The following ATP8A1 variants were observed in gnomAD, a reference collection of about 807,000 sequenced individuals.
ATP8A1 encodes ATPase phospholipid transporting 8A1.
Under a neutral mutation model 177.7 loss-of-function variants are expected in ATP8A1, and 90 were observed. The ratio of observed to expected loss-of-function variants is 0.51; its 90% CI spans 0.43 to 0.60. The LOEUF (loss-of-function observed/expected upper bound fraction) is 0.60. ATP8A1 is among the 20% of genes least tolerant of loss of function. ATP8A1 has a pLI of 0.00. For synonymous variants in ATP8A1, 493 were observed against 485.9 expected, an observed-to-expected ratio of 1.01 and a Z score of -0.19; for missense variants, 1,072 against 1,392.8, an observed-to-expected ratio of 0.77 and a Z score of 3.67.
At chr4:42,473,777 C>G (rs940434495) in intron 25 of ATP8A1, among the ~76,000 whole-genome samples, 11 of 151,620 alleles carry the variant, frequency 7.3e-5, no homozygotes, top group African/African-American at 2.7e-4. Flanking sequence ...TCCCGAGTAG[C>G]TGGGACTAAA....
chr4:42,583,407 G>T (rs983277975), intron 9 of ATP8A1, among the ~76,000 whole-genome samples: 1 of 152,174 alleles, frequency 6.6e-6, no homozygotes, highest in Non-Finnish European at 1.5e-5. Flanking sequence ...GCCTAAAGTG[G>T]GTTTCCAATA....
At chr4:42,486,419 T>A (rs1278963621) in intron 24 of ATP8A1, among the ~76,000 whole-genome samples, 1 of 152,210 alleles carries the variant, frequency 6.6e-6, no homozygotes, top group Non-Finnish European at 1.5e-5. Context: ...AGTACATTGA[T>A]TTCTTTATTA....
intron 16 of ATP8A1, among the ~76,000 whole-genome samples, chr4:42,555,308 T>C (rs895436094): frequency 4.0e-5 from 6 of 150,422 alleles, no homozygotes; most frequent in Non-Finnish European, 1.5e-5. Flanking sequence ...ATTTAGCCTA[T>C]GGTACTGAGC....
chr4:42,521,736 ATATT>A (rs1438787500), intron 22 of ATP8A1, among the ~76,000 whole-genome samples: 1 of 152,246 alleles, frequency 6.6e-6, no homozygotes, highest in Non-Finnish European at 1.5e-5. Flanking sequence ...ACTCTCATAT[ATATT>A]ATCAGCTATG....
intron 5 of ATP8A1, among the ~76,000 whole-genome samples, chr4:42,608,767 C>T (rs1736081581): frequency 6.6e-6 from 1 of 152,186 alleles, no homozygotes; most frequent in Non-Finnish European, 1.5e-5. Flanking sequence ...GCTCCAATTC[C>T]TCTGAGTCAG....
At chr4:42,528,824 A>T (rs1342986134) in intron 20 of ATP8A1, among the ~76,000 whole-genome samples, 1 of 152,204 alleles carries the variant, frequency 6.6e-6, no homozygotes, top group Non-Finnish European at 1.5e-5. Context: ...TAGCAAACAC[A>T]CTGGACTTAT....
intron 20 of ATP8A1, among the ~76,000 whole-genome samples, chr4:42,525,637 G>A (rs59343081): frequency 0.14 from 21,872 of 152,130 alleles, 1,803 homozygotes; most frequent in East Asian, 0.26. Flanking sequence ...TTTATAAACT[G>A]CCTACTATTC....
At chr4:42,482,733 A>G (rs1474610474) in intron 25 of ATP8A1, among the ~76,000 whole-genome samples, 1 of 152,210 alleles carries the variant, frequency 6.6e-6, no homozygotes, top group Non-Finnish European at 1.5e-5. Context: ...TGATGATGGA[A>G]CTAACATGGA....
At chr4:42,549,213 C>T (rs1203058558) in intron 18 of ATP8A1, 151 bp from the exon 19 acceptor site, 21 of 620,470 alleles carry the variant, frequency 3.4e-5, no homozygotes, top group Middle Eastern at 7.5e-4. Context: ...CTAACTTTTA[C>T]GTAAATTGAG....
chr4:42,469,810 CTTGA>C (rs774480135), intron 25 of ATP8A1, among the ~76,000 whole-genome samples: 4 of 151,846 alleles, frequency 2.6e-5, no homozygotes, highest in Non-Finnish European at 5.9e-5. Context: ...TATTTACTTT[CTTGA>C]TTGTCAGTAC....
intron 15 of ATP8A1, among the ~76,000 whole-genome samples, chr4:42,567,220 A>T (rs1055538746): frequency 6.6e-6 from 1 of 152,286 alleles, no homozygotes; most frequent in South Asian, 2.1e-4. Context: ...TATTTTATAG[A>T]TGGAGAATCC....
chr4:42,615,806 C>A (rs1255460224), intron 5 of ATP8A1, among the ~76,000 whole-genome samples: 2 of 152,174 alleles, frequency 1.3e-5, no homozygotes, highest in Non-Finnish European at 2.9e-5. Context: ...CTATGAAGCA[C>A]TTAAATATAT....
chr4:42,420,010 A>AC (rs1479707348), intron 35 of ATP8A1, among the ~76,000 whole-genome samples: 1 of 127,660 alleles, frequency 7.8e-6, no homozygotes, highest in African/African-American at 3.1e-5. Context: ...CTCAAAAAAA[A>AC]ACAAACAAAC....
chr4:42,602,713 G>A (rs574143931), intron 5 of ATP8A1, among the ~76,000 whole-genome samples: 162 of 152,218 alleles, frequency 1.1e-3, no homozygotes, highest in African/African-American at 3.7e-3. Flanking sequence ...AGGTTGCAGT[G>A]AGCCAAGATG....
intron 30 of ATP8A1, 139 bp downstream of exon 30, chr4:42,451,842 A>G (rs1415558506): frequency 1.9e-5 from 10 of 530,440 alleles, no homozygotes; most frequent in Non-Finnish European, 2.9e-5. Flanking sequence ...AGTGTGTACA[A>G]TTTTTGGGTG....
At chr4:42,533,355 G>T (rs1727471681) in intron 20 of ATP8A1, among the ~76,000 whole-genome samples, 1 of 152,142 alleles carries the variant, frequency 6.6e-6, no homozygotes, top group Non-Finnish European at 1.5e-5. Context: ...CTACATGGGT[G>T]CTGGGTAAGT....
At chr4:42,446,042 T>C (rs1248345294) in intron 31 of ATP8A1, among the ~76,000 whole-genome samples, 2 of 129,340 alleles carry the variant, frequency 1.5e-5, no homozygotes, top group Non-Finnish European at 3.1e-5. Context: ...GTCATGCCAC[T>C]GCACTCCAGC....
intron 14 of ATP8A1, among the ~76,000 whole-genome samples, chr4:42,572,417 AAC>A (rs1446491386): frequency 6.6e-6 from 1 of 152,216 alleles, no homozygotes; most frequent in Non-Finnish European, 1.5e-5. Context: ...GTAATTAAGT[AAC>A]AGTGTTATTT....
chr4:42,552,411 A>T (rs928816880), intron 17 of ATP8A1, 94 bp downstream of exon 17: 3 of 1,022,144 alleles, frequency 2.9e-6, no homozygotes, highest in Non-Finnish European at 4.3e-6. Flanking sequence ...TATCTAAAAA[A>T]CACTCAATTT....
Sources: gnomAD v4.1 joint callset for allele counts (sites outside exome capture counted in the v4.1 genomes callset) on GRCh38, gnomAD v4.1.1 for gene constraint, MANE v1.5 for transcripts, NCBI Gene and HGNC (gene_info 2026-07-23, HGNC 2026-07-21) for gene names.